Variants in FBXO11 observed in about 807,000 individuals in gnomAD.
FBXO11 encodes F-box protein 11, also known as F-box only protein 11.
A neutral mutation model predicts 117.0 loss-of-function variants in FBXO11; 13 were observed. The ratio of observed to expected loss-of-function variants is 0.11; its 90% CI spans 0.07 to 0.18. The LOEUF is 0.18. Ranked by LOEUF, FBXO11 falls within the 10% of genes least tolerant of loss-of-function variation. FBXO11 has a pLI of 1.00. For missense variants in FBXO11, 767 were observed against 1,164.4 expected (o/e 0.66, Z 4.97); for synonymous variants, 490 against 380.5 (o/e 1.29, Z -3.35).
In FBXO11 at chr2:47,906,416, C is replaced by T. The variant is rs926252512; in HGVS notation, c.-696G>A. Among the ~76,000 whole-genome samples, 4 of 152,180 alleles carry T rather than the reference C, an allele frequency of 2.6e-5. No individual in the cohort carries two copies. Among genetic ancestry groups the T allele is most frequent in the Admixed American group, 1.3e-4 (2 of 15,290 alleles). On this transcript the variant is annotated 5_prime_UTR_variant, in exon 1 of 23. Transcript: ENST00000403359. ...CCTTAAAGGAACCTTTCCTCCTCCTCCTCGTCAGCCCTGTCGCCGCTGCTT... is the reference window on the plus strand; with the variant it reads ...CCTTAAAGGAACCTTTCCTCCTCCTTCTCGTCAGCCCTGTCGCCGCTGCTT...
chr2:47,816,129 G>A (rs1041771174), intron 16 of FBXO11, among the ~76,000 whole-genome samples: 6 of 152,194 alleles, frequency 3.9e-5, no homozygotes, highest in Non-Finnish European at 8.8e-5. Context: ...TTTGCACTTT[G>A]TGGGCAGAAA....
chr2:47,829,300 G>C (rs1447031239), intron 11 of FBXO11, among the ~76,000 whole-genome samples: 2 of 152,078 alleles, frequency 1.3e-5, no homozygotes, highest in Non-Finnish European at 2.9e-5. Flanking sequence ...GAGTGCAGTG[G>C]CGCGATCTCG....
At chr2:47,835,780 G>A (rs1672516183) in intron 5 of FBXO11, 92 bp downstream of exon 5, 4 of 993,926 alleles carry the variant, frequency 4.0e-6, no homozygotes, top group African/African-American at 3.4e-5. Context: ...TTACAGGTGT[G>A]AGCCACCACG....
At chr2:47,882,334 G>C (rs1297418525) in intron 1 of FBXO11, among the ~76,000 whole-genome samples, 1 of 152,152 alleles carries the variant, frequency 6.6e-6, no homozygotes, top group Non-Finnish European at 1.5e-5. Flanking sequence ...TTGGAGTGGG[G>C]TAGTTAGGAA....
chr2:47,895,669 A>G (rs1371108011), intron 1 of FBXO11, among the ~76,000 whole-genome samples: 2 of 152,234 alleles, frequency 1.3e-5, no homozygotes, highest in East Asian at 3.8e-4. Flanking sequence ...AATTATTTCC[A>G]CAATTTAAAT....
intron 1 of FBXO11, chr2:47,883,730 G>C (rs953454890): frequency 1.9e-5 from 5 of 263,214 alleles, no homozygotes; most frequent in Admixed American, 4.1e-5. Context: ...AAGCACGAGA[G>C]AAAGAAGGTT....
intron 14 of FBXO11, among the ~76,000 whole-genome samples, chr2:47,819,811 C>A (rs919540324): frequency 2.6e-5 from 4 of 152,076 alleles, no homozygotes; most frequent in African/African-American, 9.7e-5. Context: ...ATCTCTAGAA[C>A]CATAAATGAA....
intron 1 of FBXO11, among the ~76,000 whole-genome samples, chr2:47,869,759 TC>T (rs1675481363): frequency 6.6e-6 from 1 of 152,254 alleles, no homozygotes; most frequent in East Asian, 1.9e-4. Flanking sequence ...GTGTTTTGCA[TC>T]CTTTTTTGGG....
At chr2:47,885,383 A>G (rs1676746620) in intron 1 of FBXO11, among the ~76,000 whole-genome samples, 1 of 152,114 alleles carries the variant, frequency 6.6e-6, no homozygotes, top group Non-Finnish European at 1.5e-5. Context: ...CATTGAGGTC[A>G]GGAGTTCGAG....
At chr2:47,863,711 T>G (rs1393777601) in intron 1 of FBXO11, among the ~76,000 whole-genome samples, 1 of 152,068 alleles carries the variant, frequency 6.6e-6, no homozygotes, top group East Asian at 1.9e-4. Flanking sequence ...CTGCCTACGG[T>G]GGGCAGATCA....
chr2:47,900,008 C>T (rs952385425), intron 1 of FBXO11, among the ~76,000 whole-genome samples: 3 of 152,074 alleles, frequency 2.0e-5, no homozygotes, highest in African/African-American at 7.2e-5. Flanking sequence ...AGATCAGGAA[C>T]TACTTGTGGT....
intron 1 of FBXO11, among the ~76,000 whole-genome samples, chr2:47,873,593 C>G (rs1675783476): frequency 1.3e-5 from 2 of 152,108 alleles, no homozygotes; most frequent in African/African-American, 4.8e-5. Flanking sequence ...TCTCTTATTC[C>G]TTAGTCTTTT....
At chr2:47,840,069 G>C (rs548015207) in intron 1 of FBXO11, among the ~76,000 whole-genome samples, 2 of 151,382 alleles carry the variant, frequency 1.3e-5, no homozygotes, top group Non-Finnish European at 2.9e-5. Flanking sequence ...TCAGCCTCCC[G>C]AGTAGCTGGG....
rs1670329786 is a variant in FBXO11, at chr2:47,807,834, T to G, written c.*284A>C. Reference sequence around the variant, plus strand: ...CAATGCTAGTTGTAAAAACACCAGCTTTTCAGAAGTTGGTATCTGTACAAA... The same window carrying G: ...CAATGCTAGTTGTAAAAACACCAGCGTTTCAGAAGTTGGTATCTGTACAAA... On this transcript the variant is annotated 3_prime_UTR_variant, in exon 23 of 23. Transcript: ENST00000403359. 1 of 301,562 alleles carries G rather than the reference T, an allele frequency of 3.3e-6. No individual in the cohort carries two copies. The highest frequency in any genetic ancestry group is 4.6e-5 in the Admixed American group (1 of 21,766). 18.7% of individuals were successfully genotyped at this position (301,562 alleles called of 1,614,324 possible).
chr2:47,887,956 T>C (rs1271304973), intron 1 of FBXO11, among the ~76,000 whole-genome samples: 1 of 152,016 alleles, frequency 6.6e-6, no homozygotes, highest in East Asian at 1.9e-4. Flanking sequence ...AGTTCGAGGC[T>C]GCAGAGAGTA....
rs1173071576 is a variant in FBXO11, at chr2:47,905,666, G to C, written c.55C>G (p.Pro19Ala). Residue 19 changes from proline to alanine, a missense_variant, in exon 1 of 23, where the codon CCG becomes GCG. Transcript: ENST00000403359. Reference sequence around the variant, plus strand: ...GGCTGCTGCTGCTGTTGCTGCACCGGGCGCGGCCGCGACACTCGCCTGGGT... The same window carrying C: ...GGCTGCTGCTGCTGTTGCTGCACCGCGCGCGGCCGCGACACTCGCCTGGGT... ...RRPRRVSRPR[P>A]VQQQQQQPPQ... 4.7e-6 allele frequency: 7 copies of C among 1,503,798 alleles called. No homozygotes were observed. The highest frequency in any genetic ancestry group is 5.3e-6 in the Non-Finnish European group (6 of 1,128,456). The allele number at this position is 1,503,798 out of a possible 1,614,324, so 93.2% of individuals were successfully genotyped here. A position where few individuals can be genotyped will look rare whatever the true frequency, so the allele number is the denominator to read the frequency against.
chr2:47,834,458 T>C (rs1171774356), intron 7 of FBXO11, 121 bp downstream of exon 7: 2 of 693,682 alleles, frequency 2.9e-6, no homozygotes, highest in Non-Finnish European at 4.6e-6. Context: ...TGTGATATCT[T>C]CATTCCTACT....
chr2:47,866,883 TC>T (rs1274080301), intron 1 of FBXO11, among the ~76,000 whole-genome samples: 1 of 152,224 alleles, frequency 6.6e-6, no homozygotes, highest in Non-Finnish European at 1.5e-5. Context: ...TGAGCCTTGA[TC>T]ATCTTCAGAC....
At chr2:47,877,203 T>C (rs555153833) in intron 1 of FBXO11, among the ~76,000 whole-genome samples, 11 of 152,250 alleles carry the variant, frequency 7.2e-5, no homozygotes, top group Non-Finnish European at 1.0e-4. Flanking sequence ...AATTTTTCTA[T>C]TTTTTGTAGA....
Sources: gnomAD v4.1 joint callset for allele counts (sites outside exome capture counted in the v4.1 genomes callset) on GRCh38, gnomAD v4.1.1 for gene constraint, MANE v1.5 for transcripts, NCBI Gene and HGNC (gene_info 2026-07-23, HGNC 2026-07-21) for gene names.